The following EPRS1 variants were observed in gnomAD, a reference collection of about 807,000 sequenced individuals.
The protein encoded by EPRS1 is bifunctional glutamate/proline--tRNA ligase.
EPRS1 carries 107 observed loss-of-function variants against 188.3 expected under a neutral mutation model. The observed-to-expected ratio is 0.57, with a 90% CI of 0.49 to 0.67. The LOEUF is 0.67. Ranked by LOEUF, EPRS1 falls within the 30% of genes least tolerant of loss-of-function variation. The pLI is 0.00. For synonymous variants in EPRS1, 596 were observed against 593.1 expected, an observed-to-expected ratio of 1.00 and a Z score of -0.07; for missense variants, 1,577 against 1,802.2, an observed-to-expected ratio of 0.88 and a Z score of 2.26.
chr1:219,986,061 C>G (rs1661000402), intron 20 of EPRS1, among the ~76,000 whole-genome samples: 1 of 152,190 alleles, frequency 6.6e-6, no homozygotes, highest in Non-Finnish European at 1.5e-5. Context: ...GGAAAAATAA[C>G]TGTTGCATTC....
At chr1:220,033,988 T>C (rs1662131187) in intron 3 of EPRS1, among the ~76,000 whole-genome samples, 1 of 151,790 alleles carries the variant, frequency 6.6e-6, no homozygotes, top group Admixed American at 6.6e-5. Flanking sequence ...ACCGAAGGGA[T>C]GGTACCTAGC....
intron 2 of EPRS1, among the ~76,000 whole-genome samples, chr1:220,038,201 G>A (rs1662224044): frequency 6.6e-6 from 1 of 150,822 alleles, no homozygotes; most frequent in Non-Finnish European, 1.5e-5. Context: ...TCCTGCCTCA[G>A]CCTCCTGAGT....
At chr1:220,044,460 C>G (rs1208482081) in intron 1 of EPRS1, among the ~76,000 whole-genome samples, 1 of 152,064 alleles carries the variant, frequency 6.6e-6, no homozygotes, top group Admixed American at 6.6e-5. Flanking sequence ...CATGGTGGCT[C>G]ACACCTGTGG....
At chr1:220,014,632 G>A (rs117840023) in intron 12 of EPRS1, among the ~76,000 whole-genome samples, 1 of 152,190 alleles carries the variant, frequency 6.6e-6, no homozygotes, top group African/African-American at 2.4e-5. Flanking sequence ...CTTCAGGAAG[G>A]CGATTCAATG....
chr1:220,042,522 G>A (rs1474227252), intron 1 of EPRS1, among the ~76,000 whole-genome samples: 1 of 151,556 alleles, frequency 6.6e-6, no homozygotes, highest in Non-Finnish European at 1.5e-5. Context: ...AAAGGACAGA[G>A]TCCAGGTTGG....
At chr1:220,031,517 A>G (rs548332585) in intron 5 of EPRS1, among the ~76,000 whole-genome samples, 1 of 152,378 alleles carries the variant, frequency 6.6e-6, no homozygotes, top group African/African-American at 2.4e-5. Context: ...TAAATGTGAA[A>G]AACAGTGAAG....
At chr1:219,976,508 T>C (rs1341388186) in intron 28 of EPRS1, among the ~76,000 whole-genome samples, 1 of 152,244 alleles carries the variant, frequency 6.6e-6, no homozygotes, top group Non-Finnish European at 1.5e-5. Context: ...CTATGTTGCT[T>C]GTGCTGTGAT....
In EPRS1 at chr1:220,022,521, A is replaced by G. The variant is rs377165990; in HGVS notation, c.944-3T>C. On this transcript the variant is annotated splice_region_variant and splice_polypyrimidine_tract_variant and intron_variant, in intron 8 of 31. Coordinates refer to ENST00000366923, the MANE Select transcript of EPRS1 (RefSeq NM_004446.3). ...CATTTGTAGATTCTTCTCAATAGCT[A>G]TAAAATGATAATTACATTACGGTTC... 3.8e-5 allele frequency: 61 copies of G among 1,604,546 alleles called. No individual in the cohort carries two copies. The African/African-American group carries it at 7.6e-4, about 20-fold the overall frequency.
At chr1:219,978,493 T>G in intron 28 of EPRS1, 53 bp downstream of exon 28, 2 of 1,374,434 alleles carry the variant, frequency 1.5e-6, no homozygotes, top group South Asian at 1.4e-5. Flanking sequence ...CAGAGGAAAA[T>G]CTAAACTCAA....
chr1:219,983,893 CAAAA>C (rs397863625), intron 21 of EPRS1, among the ~76,000 whole-genome samples: 1 of 118,242 alleles, frequency 8.5e-6, no homozygotes, highest in African/African-American at 3.2e-5. Flanking sequence ...ACTCCCGTCT[CAAAA>C]AAAAAAAAAA....
Position 219,969,045 on chromosome 1 carries a change from T to A in EPRS1, c.4388+13A>T. ...GCAATTTTTCAAAAGTTTTGCCAGT[T>A]AATTAGGTTTACCTGGCAGTGGTCT... On this transcript the variant is annotated intron_variant, in intron 31 of 31. Transcript: ENST00000366923. The A allele has an allele frequency of 5.6e-6, 9 of 1,612,824 alleles. No homozygotes were observed. The highest frequency in any genetic ancestry group is 6.8e-6 in the Non-Finnish European group (8 of 1,178,762).
chr1:220,016,711 C>T (rs1263886898), intron 12 of EPRS1, among the ~76,000 whole-genome samples: 3 of 128,254 alleles, frequency 2.3e-5, no homozygotes, highest in African/African-American at 3.0e-5. Flanking sequence ...GAGAACCTGG[C>T]TTTTTTTTTT....
chr1:219,985,060 A>C (rs1359614205), intron 20 of EPRS1, among the ~76,000 whole-genome samples: 3 of 151,882 alleles, frequency 2.0e-5, no homozygotes, highest in Non-Finnish European at 4.4e-5. Context: ...AAAAAAAAAA[A>C]AAAAAGAAAG....
intron 2 of EPRS1, among the ~76,000 whole-genome samples, chr1:220,035,773 C>T (rs1161594837): frequency 6.6e-6 from 1 of 151,922 alleles, no homozygotes; most frequent in Admixed American, 6.6e-5. Context: ...TGAGATCACA[C>T]CACTGTACTT....
At chr1:220,044,305 G>A (rs1004143726) in intron 1 of EPRS1, among the ~76,000 whole-genome samples, 28 of 152,134 alleles carry the variant, frequency 1.8e-4, no homozygotes, top group African/African-American at 6.8e-4. Context: ...TTAGAAAAAT[G>A]ATATATTTGA....
chr1:219,980,893 A>G (rs915210019), intron 24 of EPRS1, 36 bp from the exon 25 acceptor site: 1 of 1,461,680 alleles, frequency 6.8e-7, no homozygotes, highest in South Asian at 1.2e-5. Flanking sequence ...GTCATTATAA[A>G]GAGCTTTTCA....
chr1:219,989,715 A>G (rs1424558838), intron 18 of EPRS1, among the ~76,000 whole-genome samples: 1 of 152,196 alleles, frequency 6.6e-6, no homozygotes, highest in Admixed American at 6.5e-5. Context: ...AGCAAAGCAC[A>G]TTTCCTTGTC....
At chr1:220,011,133 G>A in intron 12 of EPRS1, 77 bp from the exon 13 acceptor site, 2 of 784,016 alleles carry the variant, frequency 2.6e-6, no homozygotes, top group Non-Finnish European at 4.3e-6. Flanking sequence ...TAATAGCACA[G>A]GAATACTAAC....
At position 219,983,298 on chromosome 1, in the gene EPRS1, A is replaced by G. The variant is rs1212237332; in HGVS notation, c.3191T>C (p.Phe1064Ser). ...YAIWEAIKDF[F>S]DAEIKKLGVE... ...ACCAAGTTTCTTGATCTCAGCATCA[A>G]AAAAGTCCTTGATGGCTTCCCAAAT... is the stretch of plus-strand genomic sequence containing the variant. The change falls in exon 22 of 32, where the codon TTT (phenylalanine) becomes TCT (serine). Residue 1064 changes from phenylalanine to serine, a missense_variant. This residue lies in a region of EPRS1 where 1,278 missense variants were observed against 1,457.4 expected (regional missense o/e 0.88). Coordinates refer to ENST00000366923, the MANE Select transcript of EPRS1 (RefSeq NM_004446.3). The G allele has an allele frequency of 1.9e-6, 3 of 1,614,162 alleles. No homozygotes were observed. Among genetic ancestry groups the G allele is most frequent in the Admixed American group, 1.7e-5 (1 of 60,034 alleles).
Sources: allele counts gnomAD v4.1 joint callset (sites outside exome capture counted in the v4.1 genomes callset), GRCh38; gene constraint gnomAD v4.1.1; regional missense constraint gnomAD v4.1.1; transcripts MANE v1.5; gene names NCBI Gene and HGNC (gene_info 2026-07-23, HGNC 2026-07-21).